The following PPM1B variants were observed in gnomAD, a reference collection of about 807,000 sequenced individuals.
The protein encoded by PPM1B is protein phosphatase 1B.
In PPM1B, 22 loss-of-function variants were observed where a neutral mutation model predicts 43.0. That is an observed-to-expected ratio of 0.51 (90% CI 0.37 to 0.73). The LOEUF (loss-of-function observed/expected upper bound fraction) is 0.73, where lower values mean the gene tolerates loss of function less well. Among genes scored for constraint, PPM1B ranks in the 30% least tolerant of loss-of-function variants. The probability of loss-of-function intolerance (pLI) is 0.00; values close to 1 mark genes in which losing one functional copy is unlikely to be tolerated. For synonymous variants in PPM1B, 217 were observed against 197.9 expected, an observed-to-expected ratio of 1.10 and a Z score of -0.81; for missense variants, 632 against 584.2, an observed-to-expected ratio of 1.08 and a Z score of -0.84.
intron 2 of PPM1B, among the ~76,000 whole-genome samples, chr2:44,206,272 G>A (rs1669184307): frequency 6.6e-6 from 1 of 152,154 alleles, no homozygotes; most frequent in African/African-American, 2.4e-5. Flanking sequence ...ACTTTATACT[G>A]ATTATACAAG....
At chr2:44,222,805 A>AAAAC (rs751683545) in intron 5 of PPM1B, among the ~76,000 whole-genome samples, 2 of 152,090 alleles carry the variant, frequency 1.3e-5, no homozygotes, top group Non-Finnish European at 2.9e-5. Flanking sequence ...ATTCTTTTGT[A>AAAAC]AATATCATGT....
chr2:44,242,526 T>G (rs1350253527), intron 5 of PPM1B, among the ~76,000 whole-genome samples: 1 of 152,324 alleles, frequency 6.6e-6, no homozygotes, highest in Non-Finnish European at 1.5e-5. Context: ...AGAAACAAAA[T>G]TCAGTGTCCT....
intron 2 of PPM1B, among the ~76,000 whole-genome samples, chr2:44,202,340 G>A (rs1180855053): frequency 6.6e-6 from 1 of 152,106 alleles, no homozygotes; most frequent in East Asian, 1.9e-4. Context: ...GACATTGGCA[G>A]TAACCATCTT....
chr2:44,242,358 T>A, intron 5 of PPM1B, among the ~76,000 whole-genome samples: 2 of 152,294 alleles, frequency 1.3e-5, no homozygotes, highest in South Asian at 4.1e-4. Context: ...CAGTGGTTAC[T>A]TTTTTAAAGA....
intron 5 of PPM1B, among the ~76,000 whole-genome samples, chr2:44,227,569 G>A (rs1323728509): frequency 6.7e-6 from 1 of 150,346 alleles, no homozygotes; most frequent in African/African-American, 2.5e-5. Context: ...CTAGGCTGGA[G>A]TGCAGTGGGT....
intron 1 of PPM1B, among the ~76,000 whole-genome samples, chr2:44,185,689 T>C (rs1455632870): frequency 6.6e-6 from 1 of 152,202 alleles, no homozygotes; most frequent in Non-Finnish European, 1.5e-5. Flanking sequence ...CTTGCTCTAA[T>C]GTAGAGCTAT....
At chr2:44,235,302 T>C (rs1670579611), downstream of PPM1B, among the ~76,000 whole-genome samples, 1 of 152,200 alleles carries the variant, frequency 6.6e-6, no homozygotes, top group South Asian at 2.1e-4. Context: ...TATTCTGCAA[T>C]GATTAAAGTT....
chr2:44,241,966 CTCCTGCCCCAGCCTTCCGAG>C (rs1670756421), intron 5 of PPM1B, among the ~76,000 whole-genome samples: 1 of 148,194 alleles, frequency 6.7e-6, no homozygotes, highest in Non-Finnish European at 1.5e-5. Context: ...TCACGCCATT[CTCCTGCCCCAGCCTTCCGAG>C]TAGCTGGGAG....
chr2:44,185,312 A>G (rs1250933960), intron 1 of PPM1B, among the ~76,000 whole-genome samples: 1 of 152,194 alleles, frequency 6.6e-6, no homozygotes, highest in Non-Finnish European at 1.5e-5. Flanking sequence ...GAGAACTGCT[A>G]CTTTAAAGTT....
intron 1 of PPM1B, among the ~76,000 whole-genome samples, chr2:44,175,471 A>G (rs1374057255): frequency 4.6e-5 from 7 of 152,174 alleles, no homozygotes. Flanking sequence ...TCTGTGTGCA[A>G]AGGCCCCCAT....
chr2:44,236,427 AGT>A (rs1670616046), downstream of PPM1B, among the ~76,000 whole-genome samples: 4 of 148,426 alleles, frequency 2.7e-5, no homozygotes, highest in Non-Finnish European at 6.0e-5. Flanking sequence ...AAAAAAAAAA[AGT>A]TGTAATGAAC....
At chr2:44,173,075 G>T (rs1449232044) in intron 1 of PPM1B, among the ~76,000 whole-genome samples, 1 of 152,218 alleles carries the variant, frequency 6.6e-6, no homozygotes, top group African/African-American at 2.4e-5. Context: ...AGCACTTTGG[G>T]AAGCCAAGGC....
chr2:44,175,225 G>A (rs1217049788), intron 1 of PPM1B, among the ~76,000 whole-genome samples: 1 of 152,134 alleles, frequency 6.6e-6, no homozygotes. Flanking sequence ...CTGCATTCCA[G>A]CCTGGGCAAA....
Position 44,218,714 on chromosome 2 carries a change from G to T in PPM1B, c.1134+177G>T, listed in dbSNP as rs913504988. 7 of 561,194 alleles carry T rather than the reference G, an allele frequency of 1.2e-5. No individual in the cohort carries two copies. In the Admixed American group the frequency reaches 2.2e-4, roughly 18 times the overall value. The allele number at this position is 561,194 out of a possible 1,614,324, so 34.8% of individuals were successfully genotyped here. Reference sequence around the variant, plus strand: ...GAAAATGTATTGAAATGAAGGTAGAGATAAAATTTTGTTTTGTAGATAGTT... The same window carrying T: ...GAAAATGTATTGAAATGAAGGTAGATATAAAATTTTGTTTTGTAGATAGTT... On this transcript the variant is annotated intron_variant, in intron 5 of 5. Transcript: ENST00000282412.
chr2:44,215,077 G>A (rs150870559), intron 3 of PPM1B, among the ~76,000 whole-genome samples: 91 of 152,188 alleles, frequency 6.0e-4, no homozygotes, highest in African/African-American at 2.1e-3. Flanking sequence ...ATATAGGAGA[G>A]ATAACAAATA....
At chr2:44,184,408 C>T (rs571025612) in intron 1 of PPM1B, among the ~76,000 whole-genome samples, 83 of 152,102 alleles carry the variant, frequency 5.5e-4, no homozygotes, top group African/African-American at 1.8e-3. Flanking sequence ...CATTTTTTTT[C>T]GTCTCTTGAC....
chr2:44,230,003 G>A, intron 5 of PPM1B: 1 of 1,589,158 alleles, frequency 6.3e-7, no homozygotes, highest in South Asian at 1.1e-5. Context: ...CAGAAATGAT[G>A]AAGAAACTGT....
intron 3 of PPM1B, among the ~76,000 whole-genome samples, chr2:44,214,267 G>A (rs1475118063): frequency 1.3e-5 from 2 of 152,090 alleles, no homozygotes; most frequent in African/African-American, 4.8e-5. Flanking sequence ...TTTTAGTAGA[G>A]ATGGGGTTTC....
At chr2:44,239,951 C>A (rs1232849993) in intron 5 of PPM1B, among the ~76,000 whole-genome samples, 1 of 147,862 alleles carries the variant, frequency 6.8e-6, no homozygotes, top group Non-Finnish European at 1.5e-5. Flanking sequence ...ATTACTATAG[C>A]CTCTTAAGTG....
Sources: allele counts gnomAD v4.1 joint callset (sites outside exome capture counted in the v4.1 genomes callset), GRCh38; gene constraint gnomAD v4.1.1; transcripts MANE v1.5; gene names NCBI Gene and HGNC (gene_info 2026-07-23, HGNC 2026-07-21).